GRHL2: variants seen among roughly 807,000 people sequenced by gnomAD.
GRHL2 encodes grainyhead-like protein 2 homolog.
Under a neutral mutation model 83.8 loss-of-function variants are expected in GRHL2, and 21 were observed. The ratio of observed to expected loss-of-function variants is 0.25; its 90% confidence interval spans 0.18 to 0.36. The LOEUF is 0.36. GRHL2 is among the 10% of genes least tolerant of loss of function. GRHL2 has a pLI of 1.00. For synonymous variants in GRHL2, 280 were observed against 278.9 expected (o/e 1.00, Z -0.04); for missense variants, 623 against 781.8 (o/e 0.80, Z 2.42).
chr8:101,518,137 A>G (rs1248210333), intron 1 of GRHL2, among the ~76,000 whole-genome samples: 1 of 152,144 alleles, frequency 6.6e-6, no homozygotes, highest in Non-Finnish European at 1.5e-5. Flanking sequence ...CTTCCCCCAT[A>G]TCACATACTT....
At position 101,632,249 on chromosome 8, in the gene GRHL2, A is replaced by G; in HGVS notation, c.1369A>G (p.Ile457Val). ...NSSSDGKLAA[I>V]PLQKKSDITY... Reference sequence around the variant, plus strand: ...AGCCTCTGATGGGAAGTTGGCTGCCATACCTTTACAGAAGAAGAGTGACAT... The same window carrying G: ...AGCCTCTGATGGGAAGTTGGCTGCCGTACCTTTACAGAAGAAGAGTGACAT... Residue 457 changes from isoleucine (I) to valine (V), a missense_variant, in exon 11 of 16, where the codon ATA becomes GTA. Ile to Val is a conservative substitution (Grantham distance 29, BLOSUM62 3). Around this residue, in one of 8 missense-constraint regions of GRHL2, gnomAD observed 210 missense variants for 254.8 expected, o/e 0.82. Coordinates refer to ENST00000646743, the MANE Select transcript of GRHL2 (RefSeq NM_024915.4). The G allele has an allele frequency of 1.9e-6, 3 of 1,614,060 alleles. No homozygotes were observed. Among genetic ancestry groups the G allele is most frequent in the African/African-American group, 1.3e-5 (1 of 75,018 alleles).
intron 7 of GRHL2, among the ~76,000 whole-genome samples, chr8:101,593,984 G>A (rs373226207): frequency 2.1e-5 from 3 of 140,640 alleles, no homozygotes; most frequent in South Asian, 2.3e-4. Flanking sequence ...CAGAGGAATC[G>A]CTTGAACTCA....
intron 12 of GRHL2, among the ~76,000 whole-genome samples, chr8:101,638,643 C>G (rs1813338054): frequency 6.6e-6 from 1 of 152,208 alleles, no homozygotes; most frequent in African/African-American, 2.4e-5. Context: ...TCAAATGATT[C>G]CCTAGCTAAT....
chr8:101,660,521 T>C (rs1813898827), intron 14 of GRHL2, among the ~76,000 whole-genome samples: 1 of 152,214 alleles, frequency 6.6e-6, no homozygotes. Flanking sequence ...ACTCTGGCTT[T>C]TGCTGGAAGA....
At chr8:101,646,806 A>C (rs1007955812) in intron 13 of GRHL2, among the ~76,000 whole-genome samples, 1 of 152,180 alleles carries the variant, frequency 6.6e-6, no homozygotes, top group African/African-American at 2.4e-5. Context: ...CAGAGTGATT[A>C]CTTCAGTTGC....
the GRHL2 span, among the ~76,000 whole-genome samples, chr8:101,676,842 A>T: frequency 6.6e-6 from 1 of 152,212 alleles, no homozygotes; most frequent in African/African-American, 2.4e-5. Context: ...CTGGATTAAG[A>T]AAATGGGGCA....
At chr8:101,642,446 T>A (rs999589793) in intron 12 of GRHL2, among the ~76,000 whole-genome samples, 5 of 152,174 alleles carry the variant, frequency 3.3e-5, no homozygotes, top group Non-Finnish European at 7.4e-5. Context: ...TCTGGTGGTA[T>A]TTCAGGCTAT....
At chr8:101,638,312 C>T (rs775081087) in intron 12 of GRHL2, among the ~76,000 whole-genome samples, 1 of 152,172 alleles carries the variant, frequency 6.6e-6, no homozygotes, top group African/African-American at 2.4e-5. Context: ...AAATCAGGCC[C>T]ACCGCCTATT....
chr8:101,663,760 A>G (rs1813980009), intron 14 of GRHL2, among the ~76,000 whole-genome samples: 1 of 151,986 alleles, frequency 6.6e-6, no homozygotes, highest in Non-Finnish European at 1.5e-5. Flanking sequence ...TTGCTTCTTC[A>G]GGATTTTTCT....
At chr8:101,496,449 C>T (rs925147799) in intron 1 of GRHL2, among the ~76,000 whole-genome samples, 1 of 151,850 alleles carries the variant, frequency 6.6e-6, no homozygotes, top group African/African-American at 2.4e-5. Context: ...TTTTTCAAAC[C>T]AATACATATA....
At chr8:101,559,000 T>C (rs1009299011) in intron 4 of GRHL2, among the ~76,000 whole-genome samples, 188 bp downstream of exon 4, 2 of 152,178 alleles carry the variant, frequency 1.3e-5, no homozygotes, top group African/African-American at 4.8e-5. Context: ...CCTGTCGATG[T>C]GTATGTGTAT....
chr8:101,652,369 GTCTGATGTGTGTGTGGTGTGT>G (rs1813654305), intron 14 of GRHL2, among the ~76,000 whole-genome samples: 1 of 63,506 alleles, frequency 1.6e-5, no homozygotes, highest in African/African-American at 8.4e-5. Flanking sequence ...GTGTGTGTGT[GTCTGATGTGTGTGTGGTGTGT>G]GTGTGTGTCT....
Position 101,556,047 on chromosome 8 carries a change from C to T in GRHL2, c.285-2372C>T, listed in dbSNP as rs548818580. On this transcript the variant is annotated intron_variant, in intron 3 of 15. Coordinates refer to ENST00000646743, the MANE Select transcript of GRHL2 (RefSeq NM_024915.4). ...CTCAGCTCACTGCAACCTCCGATCC[C>T]GGCAGGTTCAAGTGATTCTCCTGCC... Among the ~76,000 whole-genome samples the T allele has an allele frequency of 2.2e-4, 33 of 152,286 alleles. No homozygotes were observed. In the South Asian group the frequency reaches 5.6e-3, roughly 26 times the overall value.
intron 1 of GRHL2, among the ~76,000 whole-genome samples, chr8:101,504,611 AC>A (rs1249876953): frequency 1.3e-5 from 2 of 151,954 alleles, no homozygotes; most frequent in Non-Finnish European, 2.9e-5. Context: ...TCCTTTAAAA[AC>A]AAAAGGTAGT....
chr8:101,501,366 C>T (rs553293423), intron 1 of GRHL2, among the ~76,000 whole-genome samples: 9 of 152,292 alleles, frequency 5.9e-5, no homozygotes, highest in African/African-American at 1.4e-4. Context: ...TTTATTTTGG[C>T]GCCAGCCTTT....
chr8:101,558,601 C>T lies in GRHL2; in HGVS notation c.467C>T (p.Thr156Met). ...GCCATCATCCCGGTGTCGGGAATCACGGTGGTGAAAGCTGAAGATTTCACA... is the reference window on the plus strand; with the variant it reads ...GCCATCATCCCGGTGTCGGGAATCATGGTGGTGAAAGCTGAAGATTTCACA... ...SSAIIPVSGITVVKAEDFTPV... is the reference protein window; with the variant it reads ...SSAIIPVSGIMVVKAEDFTPV... The change falls in exon 4 of 16, where the codon ACG becomes ATG. Residue 156 changes from threonine to methionine, a missense_variant. Coordinates refer to ENST00000646743, the MANE Select transcript of GRHL2 (RefSeq NM_024915.4). 1.2e-6 allele frequency: 2 copies of T among 1,614,122 alleles called. No individual in the cohort carries two copies. The highest frequency in any genetic ancestry group is 1.1e-5 in the South Asian group (1 of 91,054).
chr8:101,583,358 A>G (rs1371987816), intron 7 of GRHL2, among the ~76,000 whole-genome samples: 1 of 152,254 alleles, frequency 6.6e-6, no homozygotes, highest in African/African-American at 2.4e-5. Context: ...AGTGAGAGAC[A>G]AACTGTCAAG....
rs200374682 is a variant in GRHL2, at chr8:101,636,910, C to T, written c.1499C>T (p.Thr500Met). The change falls in exon 12 of 16, where the codon ACG becomes ATG. Residue 500 changes from threonine to methionine, a missense_variant. Physicochemically the swap from Thr to Met is moderately conservative, Grantham distance 81. Around this residue, in one of 8 missense-constraint regions of GRHL2, gnomAD observed 210 missense variants for 254.8 expected, o/e 0.82. Coordinates refer to ENST00000646743, the MANE Select transcript of GRHL2 (RefSeq NM_024915.4). ...TTTGTTCCACAGGTGTATTACAACA[C>T]GGATGATGAACGAGAAGGGTAAGAC... The part of the protein sequence containing the change: ...LQRTGQVYYN[T>M]DDEREGGSVL... 1.5e-5 allele frequency: 24 copies of T among 1,613,558 alleles called. No homozygotes were observed. The highest frequency in any genetic ancestry group is 1.6e-4 in the Middle Eastern group (1 of 6,080).
chr8:101,674,640 C>G (rs1340785775), downstream of GRHL2, among the ~76,000 whole-genome samples: 1 of 152,158 alleles, frequency 6.6e-6, no homozygotes, highest in Non-Finnish European at 1.5e-5. Flanking sequence ...AAAGGAGGAG[C>G]TGGTACCATT....
Sources: gnomAD v4.1 joint callset for allele counts (sites outside exome capture counted in the v4.1 genomes callset) on GRCh38, gnomAD v4.1.1 for gene constraint, gnomAD v4.1.1 regional missense constraint, MANE v1.5 for transcripts, NCBI Gene and HGNC (gene_info 2026-07-23, HGNC 2026-07-21) for gene names.